SETBP1: variants seen among roughly 807,000 people sequenced by gnomAD.
The protein encoded by SETBP1 is SET binding protein 1.
SETBP1 carries 9 observed loss-of-function variants against 101.0 expected under a neutral mutation model. That is an observed-to-expected ratio of 0.09 (90% CI 0.05 to 0.16). The LOEUF (loss-of-function observed/expected upper bound fraction) is 0.16. Among genes scored for constraint, SETBP1 ranks in the 10% least tolerant of loss-of-function variants. The pLI is 1.00. For missense variants in SETBP1, 1,858 were observed against 2,033.8 expected (o/e 0.91, Z 1.66); for synonymous variants, 818 against 788.5 (o/e 1.04, Z -0.63).
chr18:45,044,606 T>A (rs377115296), intron 5 of SETBP1, among the ~76,000 whole-genome samples: 1 of 152,220 alleles, frequency 6.6e-6, no homozygotes, highest in African/African-American at 2.4e-5. Flanking sequence ...GCTTCTCCTA[T>A]GGCCAAGGGA....
At chr18:44,919,845 G>A (rs552622529) in intron 3 of SETBP1, among the ~76,000 whole-genome samples, 3 of 151,772 alleles carry the variant, frequency 2.0e-5, no homozygotes, top group Non-Finnish European at 2.9e-5. Context: ...ATTACATATA[G>A]GTTTGTATGT....
At chr18:44,774,386 T>C (rs1367575296) in intron 2 of SETBP1, among the ~76,000 whole-genome samples, 2 of 152,022 alleles carry the variant, frequency 1.3e-5, no homozygotes, top group Admixed American at 6.6e-5. Context: ...GGTGTGTGTG[T>C]GTGTGGGTGT....
At chr18:44,759,244 G>T (rs1191171074) in intron 2 of SETBP1, among the ~76,000 whole-genome samples, 3 of 152,180 alleles carry the variant, frequency 2.0e-5, no homozygotes, top group Non-Finnish European at 4.4e-5. Context: ...CATGAGCCGT[G>T]AGCACTGTCT....
chr18:44,762,611 G>T (rs151193276), intron 2 of SETBP1, among the ~76,000 whole-genome samples: 1 of 152,196 alleles, frequency 6.6e-6, no homozygotes, highest in African/African-American at 2.4e-5. Flanking sequence ...TTTTCAAACA[G>T]ATATGGGTCA....
intron 4 of SETBP1, among the ~76,000 whole-genome samples, chr18:45,022,759 G>A (rs755737178): frequency 6.6e-6 from 1 of 151,820 alleles, no homozygotes; most frequent in Non-Finnish European, 1.5e-5. Context: ...GAAGCCAGGA[G>A]GCAGAGGTTG....
At chr18:44,942,994 G>A (rs1236073569) in intron 3 of SETBP1, among the ~76,000 whole-genome samples, 3 of 152,170 alleles carry the variant, frequency 2.0e-5, no homozygotes, top group African/African-American at 7.2e-5. Flanking sequence ...CTTCATATTC[G>A]TTTAGAGGCT....
chr18:44,751,123 T>C (rs967887151), intron 2 of SETBP1, among the ~76,000 whole-genome samples: 5 of 152,178 alleles, frequency 3.3e-5, no homozygotes, highest in Non-Finnish European at 7.3e-5. Context: ...AAAGTAAAGT[T>C]TTTTGTTTGT....
intron 2 of SETBP1, among the ~76,000 whole-genome samples, chr18:44,713,770 C>T (rs372495031): frequency 6.2e-4 from 94 of 152,288 alleles, no homozygotes; most frequent in African/African-American, 2.0e-3. Context: ...TTATCACATC[C>T]GATAGTCAGT....
rs140403091 is a variant in SETBP1 at position 44,951,167 on chromosome 18, C to T, written c.1827C>T (p.Pro609=). ...ETIHEGTSTS[P]VSPISREFPG... ...TTCATGAGGGAACTTCCACCAGCCC[C>T]GTCAGTCCCATCAGCCGAGAGTTTC... Residue 609 remains proline (P), a synonymous_variant, in exon 4 of 6, where the codon CCC becomes CCT. Transcript: ENST00000649279. This position sits in a 1 kb window ranked among gnomAD's most constrained non-coding sequence, Gnocchi z 7.8. 9 of 1,614,116 alleles carry T rather than the reference C, an allele frequency of 5.6e-6. No individual in the cohort carries two copies. Among genetic ancestry groups the T allele is most frequent in the Admixed American group, 1.7e-5 (1 of 60,018 alleles).
intron 2 of SETBP1, among the ~76,000 whole-genome samples, chr18:44,773,383 C>T (rs2070916921): frequency 1.3e-5 from 2 of 152,092 alleles, no homozygotes; most frequent in African/African-American, 4.8e-5. Flanking sequence ...CCAAAGGAAT[C>T]ATAGCAAGCT....
At chr18:44,958,711 A>T (rs1040310865) in intron 4 of SETBP1, among the ~76,000 whole-genome samples, 2 of 152,178 alleles carry the variant, frequency 1.3e-5, no homozygotes, top group African/African-American at 4.8e-5. Context: ...CATGGGAGAG[A>T]TGTTAAGCTA....
At chr18:44,907,799 T>C (rs1176394880) in intron 3 of SETBP1, among the ~76,000 whole-genome samples, 1 of 152,214 alleles carries the variant, frequency 6.6e-6, no homozygotes, top group Non-Finnish European at 1.5e-5. Flanking sequence ...GTATGAGGTG[T>C]CTTTTCACTT....
chr18:44,972,262 T>G (rs924008972), intron 4 of SETBP1, among the ~76,000 whole-genome samples: 1 of 152,238 alleles, frequency 6.6e-6, no homozygotes, highest in Non-Finnish European at 1.5e-5. Context: ...AGTCCCATGC[T>G]GTTTTGGTTA....
At chr18:44,919,852 A>G (rs1460699534) in intron 3 of SETBP1, among the ~76,000 whole-genome samples, 3 of 152,126 alleles carry the variant, frequency 2.0e-5, no homozygotes, top group Non-Finnish European at 4.4e-5. Context: ...ATAGGTTTGT[A>G]TGTATGTCAG....
intron 4 of SETBP1, among the ~76,000 whole-genome samples, chr18:45,004,469 T>TG (rs2072683833): frequency 6.6e-6 from 1 of 152,226 alleles, no homozygotes; most frequent in African/African-American, 2.4e-5. Flanking sequence ...ACCAGCTGCC[T>TG]GTTACAGAAT....
chr18:45,039,483 C>T (rs527863946), intron 5 of SETBP1, among the ~76,000 whole-genome samples: 1 of 152,308 alleles, frequency 6.6e-6, no homozygotes, highest in Admixed American at 6.5e-5. Flanking sequence ...CACAGCTCCT[C>T]CAGGACATCC....
At chr18:44,713,160 A>G (rs1264072087) in intron 2 of SETBP1, among the ~76,000 whole-genome samples, 3 of 151,806 alleles carry the variant, frequency 2.0e-5, no homozygotes, top group Non-Finnish European at 4.4e-5. Context: ...GGGTTTCACC[A>G]TGTCAGCCGG....
chr18:44,867,841 T>C (rs2144671277), intron 2 of SETBP1, among the ~76,000 whole-genome samples: 1 of 152,334 alleles, frequency 6.6e-6, no homozygotes, highest in African/African-American at 2.4e-5. Flanking sequence ...TTAAGGAAGC[T>C]AAAAATTCCA....
chr18:45,038,781 C>T, intron 5 of SETBP1, 126 bp downstream of exon 5: 1 of 962,818 alleles, frequency 1.0e-6, no homozygotes, highest in South Asian at 1.4e-5. Context: ...AGACTCTGAA[C>T]ATGGGAGCCG....
Sources: gnomAD v4.1 joint callset for allele counts (sites outside exome capture counted in the v4.1 genomes callset) on GRCh38, gnomAD v4.1.1 for gene constraint, Gnocchi (gnomAD v3.1) non-coding constraint, MANE v1.5 for transcripts, NCBI Gene and HGNC (gene_info 2026-07-23, HGNC 2026-07-21) for gene names.